The following ARHGAP22 variants were observed in gnomAD, a reference collection of about 807,000 sequenced individuals.
ARHGAP22 encodes the protein Rho GTPase activating protein 22, also known as rho GTPase-activating protein 22.
A neutral mutation model predicts 59.1 loss-of-function variants in ARHGAP22; 48 were observed. The ratio of observed to expected loss-of-function variants is 0.81; its 90% CI spans 0.64 to 1.03. The LOEUF (loss-of-function observed/expected upper bound fraction) is 1.03. Ranked by LOEUF, ARHGAP22 falls within the 50% of genes least tolerant of loss-of-function variation. ARHGAP22 has a pLI of 0.00. For synonymous variants in ARHGAP22, 445 were observed against 416.4 expected, an observed-to-expected ratio of 1.07 and a Z score of -0.84; for missense variants, 1,015 against 958.7, an observed-to-expected ratio of 1.06 and a Z score of -0.78.
intron 2 of ARHGAP22, among the ~76,000 whole-genome samples, chr10:48,568,907 C>A (rs2058223793): frequency 6.6e-6 from 1 of 152,228 alleles, no homozygotes; most frequent in South Asian, 2.1e-4. Flanking sequence ...GTCTTCTCTG[C>A]CCACGAAGAA....
At chr10:48,570,664 T>C (rs1222799351) in intron 2 of ARHGAP22, among the ~76,000 whole-genome samples, 1 of 151,984 alleles carries the variant, frequency 6.6e-6, no homozygotes, top group African/African-American at 2.4e-5. Flanking sequence ...AGGTGGGAAG[T>C]AGGAAGGAGG....
At chr10:48,649,207 C>T (rs145603465) in intron 1 of ARHGAP22, among the ~76,000 whole-genome samples, 133 of 152,308 alleles carry the variant, frequency 8.7e-4, no homozygotes, top group Non-Finnish European at 1.6e-3. Context: ...ACTGCTTCAG[C>T]GCCCCTCTCT....
At chr10:48,652,570 T>C (rs2062609210) in exon 1 of ARHGAP22, 2 of 477,450 alleles carry the variant, frequency 4.2e-6, no homozygotes, top group Admixed American at 3.5e-5. Flanking sequence ...ATCTGTAAAA[T>C]GGGAACAATA....
chr10:48,516,098 G>GA (rs1186446033), intron 3 of ARHGAP22, among the ~76,000 whole-genome samples: 1 of 151,788 alleles, frequency 6.6e-6, no homozygotes, highest in East Asian at 1.9e-4. Flanking sequence ...TTGGTTCTTT[G>GA]AAAAAATTAC....
At chr10:48,576,132 C>T (rs2135539168) in intron 2 of ARHGAP22, among the ~76,000 whole-genome samples, 1 of 152,348 alleles carries the variant, frequency 6.6e-6, no homozygotes, top group East Asian at 1.9e-4. Flanking sequence ...GATGAGCATC[C>T]TATGCCCTAC....
chr10:48,593,806 GAAAGAAAAAC>G (rs1564959010), intron 1 of ARHGAP22, among the ~76,000 whole-genome samples: 1 of 152,186 alleles, frequency 6.6e-6, no homozygotes, highest in Non-Finnish European at 1.5e-5. Context: ...ATATAAAAAG[GAAAGAAAAAC>G]AAAAATCCTA....
At chr10:48,430,949 A>G in the ARHGAP22 span, 1 of 515,282 alleles carries the variant, frequency 1.9e-6, no homozygotes, top group Non-Finnish European at 3.4e-6. Context: ...TATCAAACCA[A>G]CTTCAGAAAC....
the ARHGAP22 span, chr10:48,435,899 G>A: frequency 1.3e-5 from 2 of 152,334 alleles, no homozygotes; most frequent in African/African-American, 2.4e-5. Flanking sequence ...GCCTGTTTTT[G>A]TATACACTGA....
chr10:48,585,578 C>G (rs747690090), intron 1 of ARHGAP22, among the ~76,000 whole-genome samples: 3 of 152,214 alleles, frequency 2.0e-5, no homozygotes, highest in Admixed American at 6.5e-5. Flanking sequence ...TTGTCCCCTC[C>G]AGACAGGCTG....
At chr10:48,616,752 A>G (rs1247134293) in intron 1 of ARHGAP22, among the ~76,000 whole-genome samples, 1 of 152,114 alleles carries the variant, frequency 6.6e-6, no homozygotes, top group Non-Finnish European at 1.5e-5. Context: ...TAAATGTAAA[A>G]CAGCAATCAA....
chr10:48,551,950 C>T (rs929777388), intron 3 of ARHGAP22, among the ~76,000 whole-genome samples: 2 of 152,248 alleles, frequency 1.3e-5, no homozygotes, highest in African/African-American at 4.8e-5. Context: ...AGCTCCACTC[C>T]TATCTAGCTG....
chr10:48,451,584 G>A (rs2045953911), intron 8 of ARHGAP22: 1 of 701,952 alleles, frequency 1.4e-6, no homozygotes, highest in Non-Finnish European at 2.6e-6. Context: ...TAGGGCTCTG[G>A]GACAGGGAAT....
chr10:48,484,898 T>C (rs1365945231), intron 3 of ARHGAP22, among the ~76,000 whole-genome samples: 1 of 152,264 alleles, frequency 6.6e-6, no homozygotes. Flanking sequence ...TTTATTGATC[T>C]CAACAAATCA....
chr10:48,609,735 A>G (rs1205782937), upstream of ARHGAP22, among the ~76,000 whole-genome samples: 1 of 152,032 alleles, frequency 6.6e-6, no homozygotes. Context: ...CGGCACCTTT[A>G]ACATTTCCCA....
At chr10:48,482,138 G>A (rs147997182) in intron 3 of ARHGAP22, among the ~76,000 whole-genome samples, 72 of 151,876 alleles carry the variant, frequency 4.7e-4, no homozygotes, top group African/African-American at 1.3e-3. Flanking sequence ...CATTTTTTTC[G>A]TTTATTGAGT....
chr10:48,590,924 C>T (rs149921790), intron 1 of ARHGAP22, among the ~76,000 whole-genome samples: 8 of 152,120 alleles, frequency 5.3e-5, no homozygotes, highest in African/African-American at 1.7e-4. Context: ...AGCTAGGGCC[C>T]GGCAGTGAAT....
At chr10:48,585,508 A>G (rs2059376437) in intron 1 of ARHGAP22, among the ~76,000 whole-genome samples, 1 of 152,166 alleles carries the variant, frequency 6.6e-6, no homozygotes. Context: ...CAACTGTCAT[A>G]TGGCCTGGGG....
intron 3 of ARHGAP22, chr10:48,493,404 T>C: frequency 6.5e-7 from 1 of 1,527,360 alleles, no homozygotes; most frequent in South Asian, 1.2e-5. Context: ...AGCCTGGTCC[T>C]CACAGCCTGC....
chr10:48,553,430 A>C (rs568697755), intron 3 of ARHGAP22, among the ~76,000 whole-genome samples: 2 of 152,340 alleles, frequency 1.3e-5, no homozygotes, highest in African/African-American at 2.4e-5. Flanking sequence ...AAATGCTAGA[A>C]TCTGTAGGGG....
Sources: gnomAD v4.1 joint callset for allele counts (sites outside exome capture counted in the v4.1 genomes callset) on GRCh38, gnomAD v4.1.1 for gene constraint, MANE v1.5 for transcripts, NCBI Gene and HGNC (gene_info 2026-07-23, HGNC 2026-07-21) for gene names.